The following USP7 variants were observed in gnomAD, a reference collection of about 807,000 sequenced individuals.
The protein encoded by USP7 is ubiquitin C-terminal hydrolase 7.
A neutral mutation model predicts 162.9 loss-of-function variants in USP7; 9 were observed. The ratio of observed to expected loss-of-function variants is 0.06; its 90% CI spans 0.03 to 0.10. USP7 has a LOEUF of 0.10. Among genes scored for constraint, USP7 ranks in the 10% least tolerant of loss-of-function variants. The probability of loss-of-function intolerance (pLI) is 1.00; values close to 1 mark genes in which losing one functional copy is unlikely to be tolerated. For missense variants in USP7, 715 were observed against 1,373.7 expected (o/e 0.52, Z 7.58); for synonymous variants, 562 against 475.9 (o/e 1.18, Z -2.35).
intron 11 of USP7, among the ~76,000 whole-genome samples, chr16:8,908,812 AATC>A (rs773593987): frequency 2.6e-5 from 4 of 152,218 alleles, no homozygotes; most frequent in Non-Finnish European, 5.9e-5. Context: ...ACCACAGAAA[AATC>A]ATTAAATGGA....
At chr16:8,941,783 G>A (rs968614588) in intron 1 of USP7, among the ~76,000 whole-genome samples, 3 of 152,186 alleles carry the variant, frequency 2.0e-5, no homozygotes, top group African/African-American at 7.2e-5. Flanking sequence ...GAGACCACCG[G>A]CCAGCCACTG....
intron 26 of USP7, among the ~76,000 whole-genome samples, chr16:8,896,562 CTAGA>C (rs2141162106): frequency 6.6e-6 from 1 of 152,254 alleles, no homozygotes; most frequent in South Asian, 2.1e-4. Flanking sequence ...CAAATGTTGG[CTAGA>C]TGGAACAGAA....
rs1379344863 is a variant in USP7 at position 8,917,011 on chromosome 16, A to G, written c.851+15T>C. ...AGAGGAAGCAGAATGGCAAAGGCAG[A>G]TGTCTAATACATACCCAAATGACTT... On this transcript the variant is annotated intron_variant, in intron 7 of 30. Coordinates refer to ENST00000344836, the MANE Select transcript of USP7 (RefSeq NM_003470.3). The G allele has an allele frequency of 1.9e-6, 3 of 1,557,492 alleles. No individual in the cohort carries two copies. The highest frequency in any genetic ancestry group is 1.2e-5 in the South Asian group (1 of 81,354).
At chr16:8,907,722 G>A (rs923074877) in intron 12 of USP7, among the ~76,000 whole-genome samples, 1 of 152,126 alleles carries the variant, frequency 6.6e-6, no homozygotes, top group Non-Finnish European at 1.5e-5. Context: ...GCTGAGGCAG[G>A]AGAATAGCTT....
At chr16:8,951,695 C>T (rs916604241) in intron 1 of USP7, among the ~76,000 whole-genome samples, 4 of 152,202 alleles carry the variant, frequency 2.6e-5, no homozygotes, top group African/African-American at 9.7e-5. Context: ...GCACCCTGAG[C>T]CCTCGCAGAC....
At chr16:8,908,823 G>A (rs2061899182) in intron 11 of USP7, among the ~76,000 whole-genome samples, 1 of 152,162 alleles carries the variant, frequency 6.6e-6, no homozygotes, top group African/African-American at 2.4e-5. Flanking sequence ...ATCATTAAAT[G>A]GAAAATCAGA....
intron 18 of USP7, 66 bp from the exon 19 acceptor site, chr16:8,901,300 A>C: frequency 9.3e-7 from 1 of 1,079,454 alleles, no homozygotes; most frequent in Non-Finnish European, 1.3e-6. Flanking sequence ...AAAAACAAAA[A>C]AACAAACAAA....
At position 8,892,253 on chromosome 16, in the gene USP7, C is replaced by T. The variant is rs2141151457; in HGVS notation, c.*1745G>A. On this transcript the variant is annotated 3_prime_UTR_variant, in exon 31 of 31. Transcript: ENST00000344836. ...CGGCTCTCGCACCCCTGCTCTAACT[C>T]CTCTTTCTGGGGGAGGAAGGAGGGA... is the stretch of plus-strand genomic sequence containing the variant. 1 of 152,452 alleles carries T rather than the reference C, an allele frequency of 6.6e-6. No individual in the cohort carries two copies. Among genetic ancestry groups the T allele is most frequent in the East Asian group, 1.9e-4 (1 of 5,184 alleles). 9.4% of individuals were successfully genotyped at this position (152,452 alleles called of 1,614,324 possible).
intron 2 of USP7, among the ~76,000 whole-genome samples, chr16:8,925,223 A>T (rs1002633131): frequency 6.6e-6 from 1 of 152,188 alleles, no homozygotes. Context: ...ATTTGTCAAG[A>T]CACTATGCAC....
intron 1 of USP7, among the ~76,000 whole-genome samples, chr16:8,930,629 T>A (rs1014475369): frequency 6.6e-6 from 1 of 152,148 alleles, no homozygotes; most frequent in Non-Finnish European, 1.5e-5. Flanking sequence ...CACACTATAA[T>A]TTGCTTTATT....
intron 1 of USP7, among the ~76,000 whole-genome samples, chr16:8,941,074 G>A (rs74010335): frequency 0.016 from 2,512 of 152,266 alleles, 39 homozygotes; most frequent in East Asian, 0.058. Flanking sequence ...GTGCTGGCCA[G>A]GCCACACTGC....
intron 21 of USP7, 85 bp from the exon 22 acceptor site, chr16:8,899,842 A>G: frequency 6.8e-7 from 1 of 1,462,602 alleles, no homozygotes; most frequent in Middle Eastern, 1.7e-4. Context: ...TTTACACAAC[A>G]GTGACACCAA....
At chr16:8,936,221 C>T (rs1300547048) in intron 1 of USP7, among the ~76,000 whole-genome samples, 1 of 152,116 alleles carries the variant, frequency 6.6e-6, no homozygotes, top group Non-Finnish European at 1.5e-5. Flanking sequence ...GTGATCAAAA[C>T]TACAGCTGTT....
chr16:8,952,838 CT>C (rs548309636), intron 1 of USP7, among the ~76,000 whole-genome samples: 444 of 145,042 alleles, frequency 3.1e-3, no homozygotes, highest in Middle Eastern at 0.01. Context: ...ACCACACTCG[CT>C]TTTTTTTTTT....
At chr16:8,955,022 A>G (rs946362074) in intron 1 of USP7, among the ~76,000 whole-genome samples, 2 of 152,238 alleles carry the variant, frequency 1.3e-5, no homozygotes, top group Non-Finnish European at 2.9e-5. Context: ...CATTCTGCTC[A>G]GCTACCACGA....
At chr16:8,935,456 G>A (rs1054867949) in intron 1 of USP7, among the ~76,000 whole-genome samples, 4 of 152,190 alleles carry the variant, frequency 2.6e-5, no homozygotes, top group South Asian at 2.1e-4. Flanking sequence ...GGTGATCTGC[G>A]CACCTCGGCC....
chr16:8,900,055 C>T, intron 21 of USP7: 1 of 465,826 alleles, frequency 2.1e-6, no homozygotes, highest in South Asian at 2.4e-5. Flanking sequence ...GACCCAGACG[C>T]AGTGTCTTGC....
chr16:8,910,967 C>T lies in USP7; in HGVS notation c.1079-140G>A, dbSNP rs79666243. 1,126 of 702,070 alleles carry T rather than the reference C, an allele frequency of 1.6e-3. 10 individuals carry two copies. In the African/African-American group the frequency reaches 0.018, roughly 11 times the overall value. The allele number at this position is 702,070 out of a possible 1,614,324, so 43.5% of individuals were successfully genotyped here. A position where few individuals can be genotyped will look rare whatever the true frequency, so the allele number is the denominator to read the frequency against. On this transcript the variant is annotated intron_variant, in intron 10 of 30. Coordinates refer to ENST00000344836, the MANE Select transcript of USP7 (RefSeq NM_003470.3). ...ACTAACAGTAACTCTCCCCCTGTAG[C>T]CAAGACTGTAGGTAAATGTGCTGTT...
chr16:8,947,926 G>T (rs561566547), intron 1 of USP7, among the ~76,000 whole-genome samples: 1 of 152,268 alleles, frequency 6.6e-6, no homozygotes, highest in African/African-American at 2.4e-5. Flanking sequence ...ATGCCATTAT[G>T]CCTGGGGATT....
Sources: gnomAD v4.1 joint callset for allele counts (sites outside exome capture counted in the v4.1 genomes callset) on GRCh38, gnomAD v4.1.1 for gene constraint, MANE v1.5 for transcripts, NCBI Gene and HGNC (gene_info 2026-07-23, HGNC 2026-07-21) for gene names.